LBP: variants seen among roughly 807,000 people sequenced by gnomAD.
LBP encodes the protein lipopolysaccharide-binding protein.
In LBP, 53 loss-of-function variants were observed where a neutral mutation model predicts 56.6. That is an observed-to-expected ratio of 0.94 (90% CI 0.75 to 1.18). The LOEUF (loss-of-function observed/expected upper bound fraction) is 1.18, where lower values mean the gene tolerates loss of function less well. LBP is among the 50% of genes most tolerant of loss of function. The pLI, the probability that LBP is intolerant of heterozygous loss-of-function variation, is 0.00. For missense variants in LBP, 601 were observed against 598.3 expected (o/e 1.00, Z -0.05); for synonymous variants, 227 against 247.5 (o/e 0.92, Z 0.78).
rs1255245364 is a variant in LBP, at chr20:38,365,705, AAAAAAAAAAAAAAT to A, written c.921+955_921+968del. Among the ~76,000 whole-genome samples the A allele has an allele frequency of 5.0e-3, 338 of 67,408 alleles. 3 individuals are homozygous for A. Among genetic ancestry groups the A allele is most frequent in the African/African-American group, 0.021 (289 of 13,504 alleles). 44.2% of individuals were successfully genotyped at this position (67,408 alleles called of 152,430 possible). ...GAGTGAGACTGCATCTCAAAAAAAA[AAAAAAAAAAAAAAT>A]ATATATATATATATATATATATATA... On this transcript the variant is annotated intron_variant, in intron 8 of 14. Coordinates refer to ENST00000217407, the MANE Select transcript of LBP (RefSeq NM_004139.5).
In LBP at chr20:38,376,910, T is replaced by C. The variant is rs768118369; in HGVS notation, c.*241T>C. The C allele has an allele frequency of 6.0e-6, 4 of 665,114 alleles. No individual in the cohort carries two copies. In the Admixed American group the frequency reaches 8.2e-5, roughly 14 times the overall value. The allele number at this position is 665,114 out of a possible 1,614,324, so 41.2% of individuals were successfully genotyped here. On this transcript the variant is annotated 3_prime_UTR_variant, in exon 15 of 15. Transcript: ENST00000217407. ...CACCCTCCCCGACTGGCCTGGGATATCTTTACAAGCAGGCACTGTATTTTT... is the reference window on the plus strand; with the variant it reads ...CACCCTCCCCGACTGGCCTGGGATACCTTTACAAGCAGGCACTGTATTTTT...
rs940110810 is a variant in LBP, at chr20:38,364,086, G to T, written c.744+20G>T. On this transcript the variant is annotated intron_variant, in intron 7 of 14. Transcript: ENST00000217407. ...TTTAAGGTGAGGGTCCTGGGGCCGGGCTGCGTGGGTGAGGCTTTCCCTCAG... is the reference window on the plus strand; with the variant it reads ...TTTAAGGTGAGGGTCCTGGGGCCGGTCTGCGTGGGTGAGGCTTTCCCTCAG... The T allele has an allele frequency of 3.3e-5, 52 of 1,558,656 alleles. No homozygotes were observed. Among genetic ancestry groups the T allele is most frequent in the Non-Finnish European group, 4.6e-5 (52 of 1,129,732 alleles).
At chr20:38,354,238 G>A in intron 3 of LBP, 46 bp from the exon 4 acceptor site, 1 of 1,552,840 alleles carries the variant, frequency 6.4e-7, no homozygotes, top group Non-Finnish European at 8.8e-7. Context: ...AATGGTGGCA[G>A]ACCCCTGGTC....
rs1028129372 is a variant in LBP, at chr20:38,360,730, G to A, written c.615G>A (p.Val205=). ...TTTGCGAAATGATCCAGAAATCAGT[G>A]TCCTCCGATCTACAGCCTTATCTCC... ...SRICEMIQKS[V]SSDLQPYLQT... is the part of the protein sequence containing the mutation. The change falls in exon 6 of 15, where the codon GTG becomes GTA. Residue 205 remains valine, a synonymous_variant. Coordinates refer to ENST00000217407, the MANE Select transcript of LBP (RefSeq NM_004139.5). The A allele has an allele frequency of 6.2e-6, 10 of 1,612,970 alleles. No individual in the cohort carries two copies. Among genetic ancestry groups the A allele is most frequent in the African/African-American group, 1.3e-5 (1 of 74,862 alleles).
intron 8 of LBP, among the ~76,000 whole-genome samples, chr20:38,365,234 C>CAA (rs10627735): frequency 0.54 from 51,483 of 96,068 alleles, 13,606 homozygotes; most frequent in Middle Eastern, 0.58. Flanking sequence ...GACCCTGTCT[C>CAA]AAAAAAAAAA....
intron 5 of LBP, among the ~76,000 whole-genome samples, chr20:38,356,274 C>T (rs1230347685): frequency 1.5e-5 from 2 of 129,844 alleles, no homozygotes; most frequent in Non-Finnish European, 3.3e-5. Flanking sequence ...CCACACGCAC[C>T]CCCTACACAC....
chr20:38,348,882 CT>C (rs2076810779), intron 1 of LBP, among the ~76,000 whole-genome samples: 1 of 152,044 alleles, frequency 6.6e-6, no homozygotes, highest in African/African-American at 2.4e-5. Flanking sequence ...CAATCTCTGC[CT>C]CCCGGGTTCA....
chr20:38,353,967 T>G (rs995589743), intron 3 of LBP, among the ~76,000 whole-genome samples: 6 of 152,124 alleles, frequency 3.9e-5, no homozygotes, highest in African/African-American at 1.4e-4. Flanking sequence ...TGTCTCATAC[T>G]GCAATTTTTT....
intron 7 of LBP, 72 bp from the exon 8 acceptor site, chr20:38,364,504 G>A: frequency 1.4e-6 from 2 of 1,427,382 alleles, no homozygotes; most frequent in South Asian, 2.3e-5. Context: ...ATCGGACTGT[G>A]TAGGGGAATA....
chr20:38,346,778 G>T, intron 1 of LBP, 138 bp downstream of exon 1: 1 of 1,231,420 alleles, frequency 8.1e-7, no homozygotes, highest in Non-Finnish European at 1.1e-6. Flanking sequence ...GGTGGCTCTG[G>T]CTCCTATTCT....
intron 6 of LBP, among the ~76,000 whole-genome samples, chr20:38,362,050 TTTC>T (rs1306560632): frequency 2.9e-4 from 43 of 149,556 alleles, no homozygotes; most frequent in Non-Finnish European, 5.5e-4. Context: ...TATTTTTTGT[TTTC>T]TTTTTTTTTT....
chr20:38,348,782 A>AGTTTAGTTTAGTTTAGTTTTGTTTT (rs1555842832), intron 1 of LBP, among the ~76,000 whole-genome samples: 16 of 131,294 alleles, frequency 1.2e-4, no homozygotes, highest in African/African-American at 4.3e-4. Flanking sequence ...AGTTTAGTTT[A>AGTTTAGTTTAGTTTAGTTTTGTTTT]GTTTAGTTTT....
chr20:38,373,673 TTAGGCTCCCAAGTCAG>T (rs1174022077), intron 13 of LBP, among the ~76,000 whole-genome samples: 2 of 152,214 alleles, frequency 1.3e-5, no homozygotes, highest in Non-Finnish European at 2.9e-5. Flanking sequence ...GCCTGATAGC[TTAGGCTCCCAAGTCAG>T]CCTCCCTGGG....
chr20:38,351,455 G>T (rs765996090), intron 3 of LBP, among the ~76,000 whole-genome samples: 18 of 152,106 alleles, frequency 1.2e-4, no homozygotes, highest in Admixed American at 1.1e-3. Flanking sequence ...TTGGCCAAGG[G>T]CTGCTTCCAG....
Position 38,360,729 on chromosome 20 carries a change from T to C in LBP, c.614T>C (p.Val205Ala), listed in dbSNP as rs993608765. 2.7e-5 allele frequency: 43 copies of C among 1,612,978 alleles called. No homozygotes were observed. The highest frequency in any genetic ancestry group is 2.3e-5 in the Non-Finnish European group (27 of 1,179,158). Residue 205 changes from valine (V) to alanine (A), a missense_variant, in exon 6 of 15, where the codon GTG becomes GCG. Physicochemically the swap from Val to Ala is moderately conservative, Grantham distance 64 (BLOSUM62 0). Coordinates refer to ENST00000217407, the MANE Select transcript of LBP (RefSeq NM_004139.5). ...SRICEMIQKS[V>A]SSDLQPYLQT... is the part of the protein sequence containing the mutation. ...ATTTGCGAAATGATCCAGAAATCAG[T>C]GTCCTCCGATCTACAGCCTTATCTC...
chr20:38,360,259 CAAA>C (rs11478545), intron 5 of LBP, among the ~76,000 whole-genome samples: 3 of 118,426 alleles, frequency 2.5e-5, no homozygotes, highest in Non-Finnish European at 5.3e-5. Flanking sequence ...GACTCCATCT[CAAA>C]AAAAAAAAAA....
At chr20:38,364,888 GT>G in intron 8 of LBP, 136 bp downstream of exon 8, 1 of 824,172 alleles carries the variant, frequency 1.2e-6, no homozygotes, top group Non-Finnish European at 1.9e-6. Flanking sequence ...AGAAAAATAT[GT>G]TAGCACAATC....
intron 6 of LBP, 62 bp from the exon 7 acceptor site, chr20:38,363,913 C>T: frequency 8.3e-7 from 1 of 1,200,078 alleles, no homozygotes; most frequent in South Asian, 1.2e-5. Context: ...AGAGCCCTTG[C>T]CCCTCCTCCA....
intron 6 of LBP, among the ~76,000 whole-genome samples, chr20:38,362,053 C>A (rs79155878): frequency 2.6e-5 from 3 of 117,632 alleles, no homozygotes. Flanking sequence ...TTTTTGTTTT[C>A]TTTTTTTTTT....
Sources: allele counts gnomAD v4.1 joint callset (sites outside exome capture counted in the v4.1 genomes callset), GRCh38; gene constraint gnomAD v4.1.1; transcripts MANE v1.5; gene names NCBI Gene and HGNC (gene_info 2026-07-23, HGNC 2026-07-21).